The following CFAP74 variants were observed in gnomAD, a reference collection of about 807,000 sequenced individuals.
The protein encoded by CFAP74 is cilia- and flagella-associated protein 74.
CFAP74 carries 124 observed loss-of-function variants against 188.9 expected under a neutral mutation model. The ratio of observed to expected loss-of-function variants is 0.66; its 90% confidence interval spans 0.57 to 0.76. The LOEUF is 0.76. Among genes scored for constraint, CFAP74 ranks in the 30% least tolerant of loss-of-function variants. The pLI is 0.00. For missense variants in CFAP74, 2,198 were observed against 2,165.2 expected, an observed-to-expected ratio of 1.02 and a Z score of -0.30; for synonymous variants, 956 against 916.7, an observed-to-expected ratio of 1.04 and a Z score of -0.77.
intron 1 of CFAP74, among the ~76,000 whole-genome samples, chr1:1,998,717 A>C (rs1334093230): frequency 7.8e-6 from 1 of 128,676 alleles, no homozygotes; most frequent in Non-Finnish European, 1.6e-5. Flanking sequence ...TACTAAAAAT[A>C]CAAAAAAAAA....
Position 1,942,242 on chromosome 1 carries a change from T to TAGCCG in CFAP74, c.2487-87_2487-86insCGGCT. 7.5e-7 allele frequency: 1 copy of TAGCCG among 1,326,378 alleles called. No individual in the cohort carries two copies. Among genetic ancestry groups the TAGCCG allele is most frequent in the Non-Finnish European group, 9.7e-7 (1 of 1,028,272 alleles). 82.2% of individuals were successfully genotyped at this position (1,326,378 alleles called of 1,614,324 possible). On this transcript the variant is annotated intron_variant, in intron 21 of 38. Coordinates refer to ENST00000682832, the MANE Select transcript of CFAP74 (RefSeq NM_001304360.2). The surrounding 1 kb of genome is among the most constrained non-coding windows in gnomAD (Gnocchi z 4.3). ...ATGCCTGGAGTTATTAAAACATTTC[T>TAGCCG]GGCACCCAAGCCCCCGAGAGGTGCT... is the stretch of plus-strand genomic sequence containing the variant.
chr1:1,941,355 C>T (rs1175296763), intron 22 of CFAP74, among the ~76,000 whole-genome samples: 2 of 152,234 alleles, frequency 1.3e-5, no homozygotes, highest in East Asian at 3.8e-4. Context: ...CTGAGGGCAG[C>T]TCTGGGGGGC....
chr1:1,937,106 G>A (rs1477922465), intron 25 of CFAP74, among the ~76,000 whole-genome samples: 1 of 152,222 alleles, frequency 6.6e-6, no homozygotes, highest in Non-Finnish European at 1.5e-5. Context: ...GACTCCACGT[G>A]TGCCTCAGAG....
intron 19 of CFAP74, among the ~76,000 whole-genome samples, chr1:1,946,730 A>C (rs530362451): frequency 2.0e-5 from 3 of 152,130 alleles, no homozygotes; most frequent in African/African-American, 7.2e-5. Context: ...ATCCACCCCA[A>C]GTTTCACCCA....
chr1:1,954,833 C>G, intron 18 of CFAP74: 1 of 1,141,022 alleles, frequency 8.8e-7, no homozygotes, highest in Non-Finnish European at 1.1e-6. Context: ...CTGGCTATGC[C>G]CTGTGATGCA....
intron 21 of CFAP74, among the ~76,000 whole-genome samples, chr1:1,943,716 G>A (rs1216497121): frequency 2.0e-5 from 3 of 152,202 alleles, no homozygotes; most frequent in Admixed American, 6.5e-5. Context: ...CGGGCAGTGC[G>A]TTTCCTGTGG....
At chr1:1,998,057 C>G (rs921265222) in intron 1 of CFAP74, among the ~76,000 whole-genome samples, 6 of 152,154 alleles carry the variant, frequency 3.9e-5, no homozygotes, top group Admixed American at 1.3e-4. Flanking sequence ...GCGGGTGGAT[C>G]ACCTGAGGTC....
At chr1:1,993,157 C>T (rs930978987) in intron 1 of CFAP74, among the ~76,000 whole-genome samples, 25 of 142,328 alleles carry the variant, frequency 1.8e-4, no homozygotes, top group East Asian at 2.1e-4. Flanking sequence ...GCCGAGATCA[C>T]GCCACTGCAT....
chr1:1,937,574 A>G (rs1038210555), intron 25 of CFAP74, among the ~76,000 whole-genome samples: 1 of 152,232 alleles, frequency 6.6e-6, no homozygotes, highest in South Asian at 2.1e-4. Flanking sequence ...ATGAACCTCA[A>G]CTCGGCTCAC....
Position 1,973,204 on chromosome 1 carries a change from T to G in CFAP74, c.675-157A>C, listed in dbSNP as rs1452453641. ...TCCCTTGGGGAGGAGCGAGGGTCCCTGGAGAGCTGATGCCGTGGGCCACAC... is the reference window on the plus strand; with the variant it reads ...TCCCTTGGGGAGGAGCGAGGGTCCCGGGAGAGCTGATGCCGTGGGCCACAC... On this transcript the variant is annotated intron_variant, in intron 7 of 38. Coordinates refer to ENST00000682832, the MANE Select transcript of CFAP74 (RefSeq NM_001304360.2). This position sits in a 1 kb window ranked among gnomAD's most constrained non-coding sequence, Gnocchi z 6.2. Among the ~76,000 whole-genome samples, 4 of 152,188 alleles carry G rather than the reference T, an allele frequency of 2.6e-5. No homozygotes were observed. Among genetic ancestry groups the G allele is most frequent in the Non-Finnish European group, 4.4e-5 (3 of 68,030 alleles).
chr1:1,961,827 C>T (rs1655110468), intron 14 of CFAP74, among the ~76,000 whole-genome samples: 1 of 152,232 alleles, frequency 6.6e-6, no homozygotes, highest in Admixed American at 6.5e-5. Context: ...CTAAGACTGA[C>T]CTAAAATCAG....
At chr1:2,000,828 A>T (rs185394138) in intron 1 of CFAP74, among the ~76,000 whole-genome samples, 5 of 152,056 alleles carry the variant, frequency 3.3e-5, no homozygotes, top group African/African-American at 1.2e-4. Context: ...AAATAAGGTC[A>T]TATTCTCAGG....
intron 6 of CFAP74, among the ~76,000 whole-genome samples, chr1:1,980,421 G>C (rs1342339989): frequency 7.6e-6 from 1 of 132,336 alleles, no homozygotes; most frequent in Non-Finnish European, 1.6e-5. Context: ...CGCAGTGGGC[G>C]CCCTCTTACC....
At chr1:1,985,316 C>T (rs1021125106) in intron 6 of CFAP74, 70 bp downstream of exon 6, 8 of 1,341,476 alleles carry the variant, frequency 6.0e-6, no homozygotes, top group South Asian at 3.5e-5. Flanking sequence ...TGCTCTCTGC[C>T]CCCAGATGGG....
At position 1,944,437 on chromosome 1, in the gene CFAP74, C is replaced by G; in HGVS notation, c.2380G>C (p.Val794Leu). The G allele has an allele frequency of 6.5e-7, 1 of 1,536,066 alleles. No individual in the cohort carries two copies. The highest frequency in any genetic ancestry group is 1.2e-5 in the South Asian group (1 of 84,066). Residue 794 changes from valine (V) to leucine (L), a missense_variant, in exon 21 of 39, where the codon GTG becomes CTG. Transcript: ENST00000682832. The stretch of plus-strand genomic sequence containing the variant: ...ACCGGCACATCGATGGCCACGCCCA[C>G]GACCCTGAAATGCAGCTGCATATGG... ...PQCPTLHFRV[V>L]GVAIDVPVWV...
At chr1:1,990,461 G>A (rs1657503214) in intron 2 of CFAP74, among the ~76,000 whole-genome samples, 1 of 151,552 alleles carries the variant, frequency 6.6e-6, no homozygotes, top group African/African-American at 2.4e-5. Flanking sequence ...AAACGGGGTG[G>A]GGAGTGGGGT....
rs547372078 is a variant in CFAP74, at chr1:1,998,871, C to T, written c.-20+4830G>A. ...TAGCCTAGGCGACAGAGTGAGACTC[C>T]GTCTCGAAAAAAGTAATAATAAAAT... is the stretch of plus-strand genomic sequence containing the variant. On this transcript the variant is annotated intron_variant, in intron 1 of 38. Transcript: ENST00000682832. Among the ~76,000 whole-genome samples, 181 of 151,632 alleles carry T rather than the reference C, an allele frequency of 1.2e-3. 1 individual carries two copies. Among genetic ancestry groups the T allele is most frequent in the African/African-American group, 4.0e-3 (165 of 41,346 alleles).
At chr1:1,978,404 C>T (rs28433557) in intron 6 of CFAP74, among the ~76,000 whole-genome samples, 45,425 of 151,006 alleles carry the variant, frequency 0.3, 7,066 homozygotes, top group Non-Finnish European at 0.34. Flanking sequence ...AGCAGGGCAG[C>T]GTGTCTCAGC....
At chr1:2,003,299 A>ATTTTTTTTG (rs1195461206) in intron 1 of CFAP74, among the ~76,000 whole-genome samples, 2 of 152,216 alleles carry the variant, frequency 1.3e-5, no homozygotes, top group Non-Finnish European at 2.9e-5. Context: ...ACAAAATACT[A>ATTTTTTTTG]GAGGCAAATC....
Sources: allele counts gnomAD v4.1 joint callset (sites outside exome capture counted in the v4.1 genomes callset), GRCh38; gene constraint gnomAD v4.1.1; non-coding constraint Gnocchi (gnomAD v3.1); transcripts MANE v1.5; gene names NCBI Gene and HGNC (gene_info 2026-07-23, HGNC 2026-07-21).